Variants in ELF2 observed in about 807,000 individuals in gnomAD.
The protein encoded by ELF2 is ETS-related transcription factor Elf-2.
In ELF2, 11 loss-of-function variants were observed where a neutral mutation model predicts 54.8. The observed-to-expected ratio is 0.20, with a 90% CI of 0.13 to 0.33. ELF2 has a LOEUF of 0.33. Ranked by LOEUF, ELF2 falls within the 10% of genes least tolerant of loss-of-function variation. The pLI is 1.00. For missense variants in ELF2, 513 were observed against 703.0 expected (o/e 0.73, Z 3.06); for synonymous variants, 203 against 245.1 (o/e 0.83, Z 1.61).
At chr4:139,104,885 G>C (rs1368199722) in intron 4 of ELF2, among the ~76,000 whole-genome samples, 1 of 152,002 alleles carries the variant, frequency 6.6e-6, no homozygotes, top group East Asian at 1.9e-4. Flanking sequence ...TACCATACTT[G>C]GCAATTCTTT....
chr4:139,112,004 T>C (rs1734996226), intron 4 of ELF2, among the ~76,000 whole-genome samples: 1 of 152,216 alleles, frequency 6.6e-6, no homozygotes, highest in African/African-American at 2.4e-5. Context: ...ACTAAATTTG[T>C]ATTTTTCAAA....
At chr4:139,111,802 T>C (rs1305388393) in intron 4 of ELF2, among the ~76,000 whole-genome samples, 1 of 152,190 alleles carries the variant, frequency 6.6e-6, no homozygotes, top group African/African-American at 2.4e-5. Flanking sequence ...CTACTACTTT[T>C]AACTTAGTGT....
chr4:139,096,776 A>G (rs1733336756), intron 4 of ELF2, among the ~76,000 whole-genome samples: 1 of 151,950 alleles, frequency 6.6e-6, no homozygotes, highest in African/African-American at 2.4e-5. Flanking sequence ...GGCCTAAACT[A>G]TAAAATTTTA....
chr4:139,169,791 A>G (rs1418397551), intron 1 of ELF2, among the ~76,000 whole-genome samples: 1 of 149,056 alleles, frequency 6.7e-6, no homozygotes, highest in Non-Finnish European at 1.5e-5. Context: ...CGGGAGGCGG[A>G]GCTTGCCATA....
chr4:139,147,511 G>A (rs546797117), intron 1 of ELF2, among the ~76,000 whole-genome samples: 17 of 152,240 alleles, frequency 1.1e-4, no homozygotes, highest in Middle Eastern at 3.4e-3. Flanking sequence ...TCACTCTGTC[G>A]CCTAGGCTGG....
intron 3 of ELF2, among the ~76,000 whole-genome samples, chr4:139,131,901 A>G (rs960806143): frequency 6.6e-6 from 1 of 152,160 alleles, no homozygotes; most frequent in Non-Finnish European, 1.5e-5. Flanking sequence ...AGTTAGAGCT[A>G]TATACTGGCA....
chr4:139,160,464 C>T (rs914748724), intron 1 of ELF2, among the ~76,000 whole-genome samples: 3 of 151,966 alleles, frequency 2.0e-5, no homozygotes, highest in African/African-American at 7.3e-5. Flanking sequence ...GACTTCATGA[C>T]CTAAAGATCA....
At chr4:139,064,835 A>G (rs1472027541) in intron 7 of ELF2, among the ~76,000 whole-genome samples, 2 of 152,058 alleles carry the variant, frequency 1.3e-5, no homozygotes, top group African/African-American at 4.8e-5. Flanking sequence ...AACTGAGATC[A>G]TGCCATTGCA....
At chr4:139,163,392 G>A (rs927634079) in intron 1 of ELF2, among the ~76,000 whole-genome samples, 1 of 152,110 alleles carries the variant, frequency 6.6e-6, no homozygotes, top group African/African-American at 2.4e-5. Context: ...CAGTAAGCAG[G>A]AGAGAGAAAT....
Position 139,161,745 on chromosome 4 carries a change from C to T in ELF2, c.-252+15222G>A, listed in dbSNP as rs184479606. ...CAGCACTTTGGGAGGCTGAGACGGG[C>T]GAATCACCTGAGGTCAGGAGTTCAA... On this transcript the variant is annotated intron_variant, in intron 1 of 9. Transcript: ENST00000686138. Among the ~76,000 whole-genome samples the T allele has an allele frequency of 3.4e-5, 5 of 147,852 alleles. No individual in the cohort carries two copies. The East Asian group carries it at 6.0e-4, about 18-fold the overall frequency.
chr4:139,107,606 G>A (rs1734545753), intron 4 of ELF2, among the ~76,000 whole-genome samples: 1 of 152,016 alleles, frequency 6.6e-6, no homozygotes, highest in South Asian at 2.1e-4. Context: ...AGACAGAGAG[G>A]CATCTTTACC....
intron 1 of ELF2, among the ~76,000 whole-genome samples, chr4:139,159,044 G>A (rs1220580349): frequency 5.3e-5 from 8 of 152,162 alleles, no homozygotes; most frequent in Non-Finnish European, 7.3e-5. Flanking sequence ...AGGCCAAACC[G>A]AGGAATTATG....
chr4:139,116,294 TGGG>T (rs1188683502), intron 4 of ELF2, among the ~76,000 whole-genome samples: 1 of 150,990 alleles, frequency 6.6e-6, no homozygotes, highest in East Asian at 1.9e-4. Flanking sequence ...AATAAATAAT[TGGG>T]GGAAAAAAAC....
At chr4:139,066,655 G>A (rs1447146553) in intron 7 of ELF2, 2 of 151,750 alleles carry the variant, frequency 1.3e-5, no homozygotes, top group Non-Finnish European at 2.9e-5. Flanking sequence ...GGGAGTGTGA[G>A]GCCGGAGGAT....
At chr4:139,175,780 G>T (rs892434352) in intron 1 of ELF2, among the ~76,000 whole-genome samples, 3 of 152,192 alleles carry the variant, frequency 2.0e-5, no homozygotes, top group Admixed American at 6.5e-5. Context: ...ATGAACACAA[G>T]AAAGGGGGGA....
chr4:139,125,463 G>T, intron 3 of ELF2, 134 bp from the exon 4 acceptor site: 1 of 1,016,792 alleles, frequency 9.8e-7, no homozygotes, highest in Non-Finnish European at 1.4e-6. Context: ...GAATGTAAAA[G>T]CCAAAACAAG....
intron 4 of ELF2, among the ~76,000 whole-genome samples, chr4:139,075,858 A>G (rs997619565): frequency 3.9e-5 from 6 of 152,228 alleles, no homozygotes; most frequent in African/African-American, 1.4e-4. Flanking sequence ...TTGAACAGTT[A>G]ACTTAGTAAG....
chr4:139,167,289 C>T (rs1257720782), intron 1 of ELF2, among the ~76,000 whole-genome samples: 1 of 152,108 alleles, frequency 6.6e-6, no homozygotes, highest in Non-Finnish European at 1.5e-5. Context: ...GTTCCCATTC[C>T]TACAGTGAGA....
chr4:139,078,646 T>C (rs1258116899), intron 4 of ELF2, among the ~76,000 whole-genome samples: 1 of 151,340 alleles, frequency 6.6e-6, no homozygotes, highest in African/African-American at 2.4e-5. Flanking sequence ...CAGCCAGAAA[T>C]TAAGTTTAAA....
Sources: allele counts gnomAD v4.1 joint callset (sites outside exome capture counted in the v4.1 genomes callset), GRCh38; gene constraint gnomAD v4.1.1; transcripts MANE v1.5; gene names NCBI Gene and HGNC (gene_info 2026-07-23, HGNC 2026-07-21).